Variants in DARS1 observed in about 807,000 individuals in gnomAD.
DARS1 encodes aspartate--tRNA ligase, cytoplasmic.
A neutral mutation model predicts 68.8 loss-of-function variants in DARS1; 51 were observed. That is an observed-to-expected ratio of 0.74 (90% CI 0.59 to 0.94). DARS1 has a LOEUF of 0.94. Among genes scored for constraint, DARS1 ranks in the 40% least tolerant of loss-of-function variants. The probability of loss-of-function intolerance (pLI) is 0.00; values close to 1 mark genes in which losing one functional copy is unlikely to be tolerated. For synonymous variants in DARS1, 203 were observed against 190.4 expected (o/e 1.07, Z -0.55); for missense variants, 607 against 597.3 (o/e 1.02, Z -0.17).
chr2:135,926,501 A>C (rs917040976), intron 7 of DARS1, among the ~76,000 whole-genome samples: 1 of 152,190 alleles, frequency 6.6e-6, no homozygotes. Flanking sequence ...TCCACCTAGG[A>C]TTTACATACT....
intron 5 of DARS1, among the ~76,000 whole-genome samples, chr2:135,941,918 C>T (rs1279297480): frequency 2.0e-5 from 3 of 152,042 alleles, no homozygotes; most frequent in Non-Finnish European, 4.4e-5. Flanking sequence ...CTCATCATCA[C>T]TGGCCATCAG....
chr2:135,977,675 A>T (rs1041574486), intron 3 of DARS1, among the ~76,000 whole-genome samples: 6 of 152,062 alleles, frequency 3.9e-5, no homozygotes, highest in Non-Finnish European at 7.4e-5. Flanking sequence ...TTAAAACTCC[A>T]CCAGTACTCT....
intron 5 of DARS1, among the ~76,000 whole-genome samples, chr2:135,934,992 T>C (rs201455941): frequency 6.6e-6 from 1 of 151,858 alleles, no homozygotes; most frequent in Admixed American, 6.6e-5. Flanking sequence ...CATTTCGCTA[T>C]GTTGGCCAGG....
rs140089741 is a variant in DARS1 at position 135,968,724 on chromosome 2, C to T, written c.218-7226G>A. ...TCACCCAGGCTGGAGTGTAGTGGTG[C>T]GATCTCAGCTCACTGCAACCTCCGC... On this transcript the variant is annotated intron_variant, in intron 3 of 15. Coordinates refer to ENST00000264161, the MANE Select transcript of DARS1 (RefSeq NM_001349.4). 3.5e-4 allele frequency among the ~76,000 whole-genome samples: 50 copies of T among 143,268 alleles called. 3 individuals carry two copies. The East Asian group carries it at 9.5e-3, about 27-fold the overall frequency. The allele number at this position is 143,268 out of a possible 152,430, so 94.0% of individuals were successfully genotyped here. A position where few individuals can be genotyped will look rare whatever the true frequency, so the allele number is the denominator to read the frequency against.
intron 5 of DARS1, among the ~76,000 whole-genome samples, chr2:135,942,059 C>G (rs531101910): frequency 8.6e-4 from 131 of 152,262 alleles, no homozygotes; most frequent in African/African-American, 3.0e-3. Flanking sequence ...GTTGGTGGGA[C>G]TGTAAACGAG....
chr2:135,910,914 AT>A, intron 15 of DARS1: 1 of 447,772 alleles, frequency 2.2e-6, no homozygotes, highest in Non-Finnish European at 4.1e-6. Context: ...AGAAAACAGG[AT>A]ACTCCACTTA....
intron 4 of DARS1, among the ~76,000 whole-genome samples, chr2:135,955,880 A>T (rs1681962270): frequency 6.6e-6 from 1 of 151,846 alleles, no homozygotes; most frequent in African/African-American, 2.4e-5. Context: ...GCTGGTTTTG[A>T]ACTTCTGGGC....
In DARS1 at chr2:135,932,690, C is replaced by A. The variant is rs980335241; in HGVS notation, c.564+93G>T. 6.8e-6 allele frequency: 5 copies of A among 734,402 alleles called. No homozygotes were observed. The East Asian group carries it at 7.6e-5, about 11-fold the overall frequency. The allele number at this position is 734,402 out of a possible 1,614,324, so 45.5% of individuals were successfully genotyped here. A position where few individuals can be genotyped will look rare whatever the true frequency, so the allele number is the denominator to read the frequency against. On this transcript the variant is annotated intron_variant, in intron 7 of 15. Transcript: ENST00000264161. ...TATCATACTTACAGTCAGGCAAATA[C>A]CATTTAGCTTTATAAGCCTGAGACA...
chr2:135,909,045 ACAC>A (rs1680845204), intron 15 of DARS1, among the ~76,000 whole-genome samples: 1 of 150,184 alleles, frequency 6.7e-6, no homozygotes, highest in Non-Finnish European at 1.5e-5. Flanking sequence ...AGAAAACCAA[ACAC>A]CACATGTTCT....
In DARS1 at chr2:135,922,867, T is replaced by C. The variant is rs1226552885; in HGVS notation, c.728A>G (p.Asn243Ser). Reference protein sequence around the residue: ...NVFTVSYFKNNAYLAQSPQLY... With the variant: ...NVFTVSYFKNSAYLAQSPQLY... ...CTGTGGGGACTGAGCCAGGTATGCA[T>C]TATTTTTAAAATATGACACAGTAAA... Residue 243 changes from asparagine (N) to serine (S), a missense_variant, in exon 9 of 16, where the codon AAT becomes AGT. Asn to Ser is a conservative substitution (Grantham distance 46). Transcript: ENST00000264161. The C allele has an allele frequency of 7.6e-6, 12 of 1,585,794 alleles. No individual in the cohort carries two copies. The highest frequency in any genetic ancestry group is 1.4e-5 in the African/African-American group (1 of 73,600).
chr2:135,947,208 C>G (rs1681744066), intron 4 of DARS1, among the ~76,000 whole-genome samples: 1 of 152,008 alleles, frequency 6.6e-6, no homozygotes, highest in Admixed American at 6.5e-5. Context: ...GAGTTTAAGA[C>G]CAGCGTGGCC....
intron 15 of DARS1, among the ~76,000 whole-genome samples, chr2:135,910,080 G>C (rs950247811): frequency 6.6e-6 from 1 of 152,090 alleles, no homozygotes; most frequent in African/African-American, 2.4e-5. Context: ...TGGACACTAA[G>C]GTCATTTCTA....
chr2:135,963,069 T>C (rs1682135572), intron 3 of DARS1, among the ~76,000 whole-genome samples: 4 of 152,218 alleles, frequency 2.6e-5, no homozygotes, highest in Middle Eastern at 3.4e-3. Context: ...GGAGAAAGAA[T>C]GGAGAACTCT....
At chr2:135,927,877 C>G (rs1681258507) in intron 7 of DARS1, among the ~76,000 whole-genome samples, 1 of 152,060 alleles carries the variant, frequency 6.6e-6, no homozygotes, top group Non-Finnish European at 1.5e-5. Flanking sequence ...CACTGCTATT[C>G]TGTATTATGT....
intron 7 of DARS1, among the ~76,000 whole-genome samples, chr2:135,925,706 T>C (rs922644019): frequency 3.9e-5 from 6 of 152,338 alleles, no homozygotes; most frequent in African/African-American, 1.2e-4. Context: ...ATTTTCAAGA[T>C]GTCTACATTT....
intron 1 of DARS1, among the ~76,000 whole-genome samples, chr2:135,983,854 A>C (rs928631879): frequency 6.6e-6 from 1 of 152,248 alleles, no homozygotes; most frequent in African/African-American, 2.4e-5. Context: ...ACTTCCTATT[A>C]CAGGAAGAAA....
At chr2:135,941,490 C>T (rs939774708) in intron 5 of DARS1, among the ~76,000 whole-genome samples, 2 of 151,944 alleles carry the variant, frequency 1.3e-5, no homozygotes, top group African/African-American at 4.8e-5. Flanking sequence ...CTTCCTTACA[C>T]CTTATACAAG....
intron 5 of DARS1, among the ~76,000 whole-genome samples, chr2:135,937,649 T>C (rs969360164): frequency 2.6e-5 from 4 of 152,242 alleles, no homozygotes; most frequent in Non-Finnish European, 4.4e-5. Context: ...TTTCCATGTT[T>C]AGTGCCTCCT....
intron 5 of DARS1, among the ~76,000 whole-genome samples, chr2:135,942,806 T>A (rs919049987): frequency 5.3e-5 from 8 of 152,194 alleles, no homozygotes; most frequent in South Asian, 4.1e-4. Context: ...GTGGCTGTGG[T>A]AGACTGTTTG....
Sources: gnomAD v4.1 joint callset for allele counts (sites outside exome capture counted in the v4.1 genomes callset) on GRCh38, gnomAD v4.1.1 for gene constraint, MANE v1.5 for transcripts, NCBI Gene and HGNC (gene_info 2026-07-23, HGNC 2026-07-21) for gene names.